Variants in COL23A1 observed in about 807,000 individuals in gnomAD.
COL23A1 encodes collagen alpha-1(XXIII) chain.
In COL23A1, 97 loss-of-function variants were observed where a neutral mutation model predicts 99.3. The ratio of observed to expected loss-of-function variants is 0.98; its 90% CI spans 0.83 to 1.16. The LOEUF is 1.16. Ranked by LOEUF, COL23A1 falls within the 50% of genes most tolerant of loss-of-function variation. COL23A1 has a pLI of 0.00. For missense variants in COL23A1, 762 were observed against 757.4 expected (o/e 1.01, Z -0.07); for synonymous variants, 320 against 308.2 (o/e 1.04, Z -0.40).
intron 2 of COL23A1, among the ~76,000 whole-genome samples, chr5:178,464,435 A>C (rs1756302132): frequency 1.3e-5 from 2 of 151,912 alleles, no homozygotes; most frequent in South Asian, 4.1e-4. Flanking sequence ...CATATACCAC[A>C]TTTTCTTTAT....
At chr5:178,582,060 G>C (rs976611538) in intron 1 of COL23A1, among the ~76,000 whole-genome samples, 6 of 151,822 alleles carry the variant, frequency 4.0e-5, no homozygotes, top group African/African-American at 1.5e-4. Context: ...GGGGCAGGGG[G>C]AACAGGTGCA....
At chr5:178,378,989 G>A (rs955603118) in intron 2 of COL23A1, among the ~76,000 whole-genome samples, 2 of 152,140 alleles carry the variant, frequency 1.3e-5, no homozygotes, top group Non-Finnish European at 2.9e-5. Flanking sequence ...AGATTGATGT[G>A]AGGCTGTTTC....
chr5:178,343,685 G>A (rs909439463), intron 2 of COL23A1, among the ~76,000 whole-genome samples: 5 of 147,528 alleles, frequency 3.4e-5, no homozygotes, highest in Non-Finnish European at 6.0e-5. Flanking sequence ...TTTTGGAGAC[G>A]GAGTCTTGCT....
intron 1 of COL23A1, among the ~76,000 whole-genome samples, chr5:178,585,727 A>AGCC (rs1562115542): frequency 0.069 from 736 of 10,642 alleles, 78 homozygotes; most frequent in East Asian, 0.13. Flanking sequence ...CTGGGGTAAC[A>AGCC]CTCCACAGCC....
intron 1 of COL23A1, among the ~76,000 whole-genome samples, chr5:178,570,117 T>C (rs1763018171): frequency 6.6e-6 from 1 of 151,100 alleles, no homozygotes; most frequent in Non-Finnish European, 1.5e-5. Context: ...TTTTTCTTTT[T>C]TTTTTTTTCC....
At chr5:178,411,894 G>A (rs1389472289) in intron 2 of COL23A1, among the ~76,000 whole-genome samples, 2 of 152,228 alleles carry the variant, frequency 1.3e-5, no homozygotes. Flanking sequence ...ACTCTGTGCT[G>A]ATGAAGATGT....
intron 2 of COL23A1, among the ~76,000 whole-genome samples, chr5:178,346,575 A>ACGT (rs967008587): frequency 3.3e-5 from 5 of 152,200 alleles, no homozygotes; most frequent in African/African-American, 1.2e-4. Flanking sequence ...ATATGTACAT[A>ACGT]CGTCTTAATA....
At chr5:178,383,610 C>G (rs192839069) in intron 2 of COL23A1, among the ~76,000 whole-genome samples, 1 of 152,170 alleles carries the variant, frequency 6.6e-6, no homozygotes, top group African/African-American at 2.4e-5. Flanking sequence ...GTTGGAGAAG[C>G]CCCCCATCAG....
intron 2 of COL23A1, among the ~76,000 whole-genome samples, chr5:178,326,865 G>A (rs966731767): frequency 6.6e-6 from 1 of 152,164 alleles, no homozygotes; most frequent in Non-Finnish European, 1.5e-5. Flanking sequence ...GACTACAGGC[G>A]CCTGCCACCA....
intron 2 of COL23A1, among the ~76,000 whole-genome samples, chr5:178,515,207 G>A (rs1237823161): frequency 6.6e-6 from 1 of 152,220 alleles, no homozygotes; most frequent in Non-Finnish European, 1.5e-5. Context: ...CCCTCTGGAA[G>A]CCACCCTGCC....
In COL23A1 at chr5:178,307,969, G is replaced by A. The variant is rs886101150; in HGVS notation, c.362-1050C>T. 6.6e-5 allele frequency among the ~76,000 whole-genome samples: 10 copies of A among 152,092 alleles called. No individual in the cohort carries two copies. The highest frequency in any genetic ancestry group is 1.2e-4 in the African/African-American group (5 of 41,374). ...GAAGGAGATGCAGGAGACTGGCCCCGATCGCGTCTGTGGCAGGATGGAAAA... is the reference window on the plus strand; with the variant it reads ...GAAGGAGATGCAGGAGACTGGCCCCAATCGCGTCTGTGGCAGGATGGAAAA... On this transcript the variant is annotated intron_variant, in intron 2 of 28. Coordinates refer to ENST00000390654, the MANE Select transcript of COL23A1 (RefSeq NM_173465.4). This position sits in a 1 kb window ranked among gnomAD's most constrained non-coding sequence, Gnocchi z 4.2.
intron 2 of COL23A1, among the ~76,000 whole-genome samples, chr5:178,483,368 A>T (rs1757443092): frequency 6.6e-6 from 1 of 152,104 alleles, no homozygotes; most frequent in South Asian, 2.1e-4. Context: ...AGGCATCCCT[A>T]GAAAGACACT....
intron 2 of COL23A1, among the ~76,000 whole-genome samples, chr5:178,407,035 G>A (rs1421014935): frequency 1.3e-5 from 2 of 152,212 alleles, no homozygotes; most frequent in Non-Finnish European, 2.9e-5. Flanking sequence ...AAAGGACAGA[G>A]AGGTGAATTT....
intron 2 of COL23A1, among the ~76,000 whole-genome samples, chr5:178,380,039 G>A (rs565284035): frequency 8.3e-4 from 126 of 152,328 alleles, no homozygotes; most frequent in African/African-American, 2.9e-3. Flanking sequence ...TTCAGGGCTA[G>A]TTCCTGAACC....
chr5:178,548,378 G>A (rs911603500), intron 2 of COL23A1, among the ~76,000 whole-genome samples: 2 of 151,832 alleles, frequency 1.3e-5, no homozygotes, highest in Non-Finnish European at 2.9e-5. Flanking sequence ...TCCCCATCCT[G>A]GTCCTGCTCT....
intron 1 of COL23A1, among the ~76,000 whole-genome samples, chr5:178,566,741 G>A (rs1171025444): frequency 1.3e-5 from 2 of 151,990 alleles, no homozygotes; most frequent in Admixed American, 6.6e-5. Context: ...ACTTGAACCC[G>A]GGAGGCGAAG....
chr5:178,453,083 A>G (rs1561984843), intron 2 of COL23A1, among the ~76,000 whole-genome samples: 1 of 152,182 alleles, frequency 6.6e-6, no homozygotes, highest in Non-Finnish European at 1.5e-5. Flanking sequence ...GAGAAAAACC[A>G]ATGAAGAAGC....
intron 2 of COL23A1, among the ~76,000 whole-genome samples, chr5:178,362,815 T>TCG (rs1463778726): frequency 6.6e-6 from 1 of 152,104 alleles, no homozygotes; most frequent in African/African-American, 2.4e-5. Flanking sequence ...GGCTGCCCGA[T>TCG]GGCACAGCCC....
chr5:178,444,220 A>T (rs1377801218), intron 2 of COL23A1, among the ~76,000 whole-genome samples: 1 of 152,296 alleles, frequency 6.6e-6, no homozygotes, highest in Non-Finnish European at 1.5e-5. Flanking sequence ...AAAAGTAAAC[A>T]AACAAGATAT....
Sources: allele counts gnomAD v4.1 joint callset (sites outside exome capture counted in the v4.1 genomes callset), GRCh38; gene constraint gnomAD v4.1.1; non-coding constraint Gnocchi (gnomAD v3.1); transcripts MANE v1.5; gene names NCBI Gene and HGNC (gene_info 2026-07-23, HGNC 2026-07-21).